CCNT2: variants seen among roughly 807,000 people sequenced by gnomAD.
CCNT2 encodes cyclin T2, also known as cyclin-T2.
In CCNT2, 18 loss-of-function variants were observed where a neutral mutation model predicts 70.0. The observed-to-expected ratio is 0.26, with a 90% CI of 0.18 to 0.38. The LOEUF is 0.38. CCNT2 is among the 10% of genes least tolerant of loss of function. The pLI is 1.00. For missense variants in CCNT2, 734 were observed against 890.2 expected, an observed-to-expected ratio of 0.82 and a Z score of 2.23; for synonymous variants, 334 against 313.3, an observed-to-expected ratio of 1.07 and a Z score of -0.70.
intron 5 of CCNT2, 77 bp from the exon 6 acceptor site, chr2:134,946,024 T>C: frequency 6.2e-7 from 1 of 1,609,416 alleles, no homozygotes; most frequent in Non-Finnish European, 8.5e-7. Context: ...TTTGAAGTTT[T>C]TGTTGTGTTG....
At chr2:134,951,727 C>T (rs1398239494) in intron 7 of CCNT2, among the ~76,000 whole-genome samples, 1 of 152,164 alleles carries the variant, frequency 6.6e-6, no homozygotes, top group Admixed American at 6.5e-5. Context: ...GCATAGTTCC[C>T]TGTATACCCT....
chr2:134,928,878 A>G (rs1348644612), intron 2 of CCNT2, among the ~76,000 whole-genome samples: 76 of 152,198 alleles, frequency 5.0e-4, no homozygotes, highest in Admixed American at 4.9e-3. Context: ...AAATGATGCA[A>G]GGATTCAGAG....
chr2:134,933,039 AG>A (rs1573805623), intron 2 of CCNT2, among the ~76,000 whole-genome samples: 1 of 152,172 alleles, frequency 6.6e-6, no homozygotes, highest in East Asian at 1.9e-4. Context: ...GGGATTGGAT[AG>A]GGGGGTGTTT....
chr2:134,938,895 T>G (rs1389209849), intron 3 of CCNT2, 107 bp from the exon 4 acceptor site: 3 of 663,516 alleles, frequency 4.5e-6, no homozygotes, highest in Non-Finnish European at 5.2e-6. Flanking sequence ...TTCAAACTAC[T>G]GTGGTTCTTT....
At chr2:134,946,580 A>G (rs535931024) in intron 6 of CCNT2, 1 of 213,304 alleles carries the variant, frequency 4.7e-6, no homozygotes, top group African/African-American at 2.3e-5. Flanking sequence ...AATAAATAAA[A>G]TTTATGTAAT....
intron 7 of CCNT2, among the ~76,000 whole-genome samples, chr2:134,949,602 A>G (rs1682284004): frequency 6.6e-6 from 1 of 152,132 alleles, no homozygotes; most frequent in African/African-American, 2.4e-5. Context: ...TTATTGCTGC[A>G]TGATTATAAT....
Position 134,919,803 on chromosome 2 carries a change from G to T in CCNT2, c.159-7G>T. 1.9e-6 allele frequency: 3 copies of T among 1,597,392 alleles called. No individual in the cohort carries two copies. Among genetic ancestry groups the T allele is most frequent in the Non-Finnish European group, 2.6e-6 (3 of 1,169,094 alleles). ...TTGTCAGATATTTCCTAAATATTAC[G>T]TTCCAGCTCTCAGCTTACAATAAAC... On this transcript the variant is annotated splice_region_variant and splice_polypyrimidine_tract_variant and intron_variant, in intron 1 of 8. Coordinates refer to ENST00000264157, the MANE Select transcript of CCNT2 (RefSeq NM_058241.3).
At position 134,939,069 on chromosome 2, in the gene CCNT2, A is replaced by G; in HGVS notation, c.430+7A>G. On this transcript the variant is annotated splice_region_variant and intron_variant, in intron 4 of 8. Coordinates refer to ENST00000264157, the MANE Select transcript of CCNT2 (RefSeq NM_058241.3). ...ATAATGCTACAAACTCTAGGTACGTACTTACATCAGATAATGGCTTTTTGT... is the reference window on the plus strand; with the variant it reads ...ATAATGCTACAAACTCTAGGTACGTGCTTACATCAGATAATGGCTTTTTGT... 6.3e-7 allele frequency: 1 copy of G among 1,589,888 alleles called. No individual in the cohort carries two copies. Among genetic ancestry groups the G allele is most frequent in the Non-Finnish European group, 8.6e-7 (1 of 1,158,930 alleles).
intron 2 of CCNT2, among the ~76,000 whole-genome samples, chr2:134,930,432 G>T (rs79553469): frequency 0.059 from 8,923 of 152,124 alleles, 413 homozygotes; most frequent in African/African-American, 0.13. Flanking sequence ...CATTCCACTG[G>T]CTATTATGAA....
At chr2:134,942,938 T>C in intron 5 of CCNT2, 1 of 985,208 alleles carries the variant, frequency 1.0e-6, no homozygotes, top group Non-Finnish European at 1.2e-6. Flanking sequence ...ACTCTATCCA[T>C]CCCCCATTGA....
intron 5 of CCNT2, 34 bp from the exon 6 acceptor site, chr2:134,946,067 T>G: frequency 6.2e-7 from 1 of 1,610,860 alleles, no homozygotes; most frequent in Middle Eastern, 1.7e-4. Context: ...TTAAGGCTGA[T>G]AGTATTGTCT....
chr2:134,933,789 CATA>C (rs952005010), intron 2 of CCNT2, among the ~76,000 whole-genome samples: 14 of 152,172 alleles, frequency 9.2e-5, no homozygotes, highest in South Asian at 6.2e-4. Context: ...AATTTTTCAA[CATA>C]ATAATAATAT....
intron 2 of CCNT2, chr2:134,920,226 A>G: frequency 5.9e-6 from 1 of 169,676 alleles, no homozygotes; most frequent in South Asian, 1.4e-4. Context: ...GAATTGGGCA[A>G]GCCTGGTCGT....
rs774013841 is a variant in CCNT2, at chr2:134,954,627, T to G, written c.2172T>G (p.Ser724Arg). The change falls in exon 9 of 9, where the codon AGT becomes AGG. Residue 724 changes from serine (S) to arginine (R), a missense_variant. Coordinates refer to ENST00000264157, the MANE Select transcript of CCNT2 (RefSeq NM_058241.3). ...DTFDMLDSLL[S>R]AQGMNM Reference sequence around the variant, plus strand: ...TCGACATGCTGGACTCACTGTTAAGTGCCCAAGGAATGAACATGTAATAAT... The same window carrying G: ...TCGACATGCTGGACTCACTGTTAAGGGCCCAAGGAATGAACATGTAATAAT... The G allele has an allele frequency of 6.2e-7, 1 of 1,604,362 alleles. No homozygotes were observed. The highest frequency in any genetic ancestry group is 8.5e-7 in the Non-Finnish European group (1 of 1,171,832).
At chr2:134,921,513 C>T (rs1242525003) in intron 2 of CCNT2, among the ~76,000 whole-genome samples, 1 of 152,074 alleles carries the variant, frequency 6.6e-6, no homozygotes, top group Non-Finnish European at 1.5e-5. Context: ...GCCACCACTC[C>T]CGGCTAATTT....
chr2:134,926,246 T>G (rs764368482), intron 2 of CCNT2, among the ~76,000 whole-genome samples: 1 of 152,216 alleles, frequency 6.6e-6, no homozygotes. Flanking sequence ...TTTTGTGAGA[T>G]ATTAGCTTTC....
chr2:134,925,648 C>A (rs1680239897), intron 2 of CCNT2, among the ~76,000 whole-genome samples: 1 of 152,060 alleles, frequency 6.6e-6, no homozygotes, highest in African/African-American at 2.4e-5. Context: ...TATGGCTAGA[C>A]CACATTATAT....
In CCNT2 at chr2:134,954,175, A is replaced by G; in HGVS notation, c.1720A>G (p.Lys574Glu). 2.5e-6 allele frequency: 4 copies of G among 1,614,156 alleles called. No homozygotes were observed. The highest frequency in any genetic ancestry group is 3.4e-6 in the Non-Finnish European group (4 of 1,180,002). ...PSSRHHTSSH[K>E]HSHSHSGSSS... The stretch of plus-strand genomic sequence containing the variant: ...AAGCCGCCACCACACCAGCAGCCAC[A>G]AGCATTCCCACTCGCATAGTGGCAG... The change falls in exon 9 of 9, where the codon AAG (lysine) becomes GAG (glutamate). Residue 574 changes from lysine to glutamate, a missense_variant. By Grantham distance (56) the Lys-to-Glu change is moderately conservative. This residue lies in a region of CCNT2 where 532 missense variants were observed against 556.9 expected (regional missense o/e 0.96). Transcript: ENST00000264157.
At chr2:134,948,643 C>T (rs1285634169) in intron 7 of CCNT2, among the ~76,000 whole-genome samples, 1 of 151,912 alleles carries the variant, frequency 6.6e-6, no homozygotes, top group South Asian at 2.1e-4. Flanking sequence ...TAAAAGAAGC[C>T]GGCCAGAAAT....
Sources: allele counts gnomAD v4.1 joint callset (sites outside exome capture counted in the v4.1 genomes callset), GRCh38; gene constraint gnomAD v4.1.1; regional missense constraint gnomAD v4.1.1; transcripts MANE v1.5; gene names NCBI Gene and HGNC (gene_info 2026-07-23, HGNC 2026-07-21).